The following XRRA1 variants were observed in gnomAD, a reference collection of about 807,000 sequenced individuals.
XRRA1 encodes the protein X-ray radiation resistance associated 1, also known as X-ray radiation resistance-associated protein 1.
A neutral mutation model predicts 80.2 loss-of-function variants in XRRA1; 69 were observed. The observed-to-expected ratio is 0.86, with a 90% confidence interval of 0.71 to 1.05. XRRA1 has a LOEUF of 1.05. Among genes scored for constraint, XRRA1 ranks in the 50% least tolerant of loss-of-function variants. The pLI is 0.00. For synonymous variants in XRRA1, 348 were observed against 389.9 expected, an observed-to-expected ratio of 0.89 and a Z score of 1.27; for missense variants, 967 against 976.4, an observed-to-expected ratio of 0.99 and a Z score of 0.13.
chr11:74,847,427 TCTG>T (rs938479033), intron 15 of XRRA1, among the ~76,000 whole-genome samples: 41 of 152,202 alleles, frequency 2.7e-4, no homozygotes, highest in African/African-American at 9.9e-4. Flanking sequence ...ATGCCACCCT[TCTG>T]CTGCACTGAC....
chr11:74,882,982 C>T (rs2048052240), intron 10 of XRRA1, among the ~76,000 whole-genome samples: 1 of 151,942 alleles, frequency 6.6e-6, no homozygotes, highest in African/African-American at 2.4e-5. Flanking sequence ...GTGCCCTGCC[C>T]CCAGAGGTGG....
At chr11:74,897,321 C>T (rs2052559375) in intron 10 of XRRA1, among the ~76,000 whole-genome samples, 1 of 151,060 alleles carries the variant, frequency 6.6e-6, no homozygotes, top group Non-Finnish European at 1.5e-5. Flanking sequence ...CCAGAGAAGA[C>T]AAAAGAAAAA....
chr11:74,945,994 A>G (rs543792943), intron 1 of XRRA1, among the ~76,000 whole-genome samples: 1 of 151,638 alleles, frequency 6.6e-6, no homozygotes, highest in African/African-American at 2.4e-5. Context: ...ACAAGGTCTC[A>G]CTCTGTTACC....
intron 10 of XRRA1, among the ~76,000 whole-genome samples, chr11:74,873,680 G>A (rs184980209): frequency 6.6e-6 from 1 of 152,306 alleles, no homozygotes; most frequent in East Asian, 1.9e-4. Context: ...TCTCAGGAAG[G>A]CAGTGAAGCT....
chr11:74,858,502 T>A (rs1355917464), intron 12 of XRRA1, among the ~76,000 whole-genome samples: 1 of 152,178 alleles, frequency 6.6e-6, no homozygotes, highest in Non-Finnish European at 1.5e-5. Flanking sequence ...GTAAGCAGAG[T>A]ATCTTACAAG....
chr11:74,917,609 C>T (rs905662907), intron 8 of XRRA1, among the ~76,000 whole-genome samples: 1 of 152,156 alleles, frequency 6.6e-6, no homozygotes, highest in Non-Finnish European at 1.5e-5. Flanking sequence ...CCTAACTTAA[C>T]AGCATAGGAT....
intron 2 of XRRA1, among the ~76,000 whole-genome samples, chr11:74,944,484 A>G (rs918754710): frequency 1.3e-5 from 2 of 152,208 alleles, no homozygotes; most frequent in Non-Finnish European, 2.9e-5. Flanking sequence ...TTCCATAAAT[A>G]TTTGTGGAAT....
At chr11:74,898,995 C>T (rs570422565) in intron 10 of XRRA1, among the ~76,000 whole-genome samples, 1 of 152,178 alleles carries the variant, frequency 6.6e-6, no homozygotes, top group East Asian at 1.9e-4. Flanking sequence ...CAAGTATAGA[C>T]CATATGTTAG....
At chr11:74,882,685 T>G (rs1221147611) in intron 10 of XRRA1, among the ~76,000 whole-genome samples, 1 of 151,642 alleles carries the variant, frequency 6.6e-6, no homozygotes, top group African/African-American at 2.4e-5. Context: ...CAGATGGGTT[T>G]TTGGTGTGGA....
intron 8 of XRRA1, chr11:74,910,135 C>T (rs969501858): frequency 1.3e-5 from 2 of 152,232 alleles, no homozygotes; most frequent in African/African-American, 4.8e-5. Context: ...CAAGTACTTA[C>T]ATTACGACAA....
chr11:74,887,951 C>T (rs528375903), intron 10 of XRRA1, among the ~76,000 whole-genome samples: 32 of 152,312 alleles, frequency 2.1e-4, no homozygotes, highest in African/African-American at 7.7e-4. Flanking sequence ...GAGCCCGCCG[C>T]AACTCAAGGA....
Position 74,940,840 on chromosome 11 carries a change from C to T in XRRA1, c.39G>A (p.Lys13=). 1.2e-6 allele frequency: 2 copies of T among 1,609,662 alleles called. No homozygotes were observed. The highest frequency in any genetic ancestry group is 1.3e-5 in the African/African-American group (1 of 74,956). The change falls in exon 3 of 19, where the codon AAG becomes AAA. Residue 13 remains lysine (K), a synonymous_variant. Transcript: ENST00000684022. ...CTGGGAAGCAGTTGTTCAGGTAAGGCTTCCCATCATCCAGCTTGTAGATTC... is the reference window on the plus strand; with the variant it reads ...CTGGGAAGCAGTTGTTCAGGTAAGGTTTCCCATCATCCAGCTTGTAGATTC... ...FSGIYKLDDG[K]PYLNNCFPAR...
rs762454001 is a variant in XRRA1, at chr11:74,848,420, G to T, written c.1423C>A (p.Leu475Ile). ...IPKVPKQPLV[L>I]HHPRMTTTKS... ...GTTGTCGTCATGCGCGGGTGATGGA[G>T]CACCAGAGGCTGCTTCGGCACCTTT... The change falls in exon 15 of 19, where the codon CTC becomes ATC. Residue 475 changes from leucine (L) to isoleucine (I), a missense_variant. Physicochemically the swap from Leu to Ile is conservative, Grantham distance 5 (BLOSUM62 2). Coordinates refer to ENST00000684022, the MANE Select transcript of XRRA1 (RefSeq NM_001378157.1). 1 of 1,612,950 alleles carries T rather than the reference G, an allele frequency of 6.2e-7. No individual in the cohort carries two copies. Among genetic ancestry groups the T allele is most frequent in the South Asian group, 1.1e-5 (1 of 91,062 alleles).
chr11:74,934,915 C>A (rs141755873), intron 4 of XRRA1, among the ~76,000 whole-genome samples: 1 of 152,242 alleles, frequency 6.6e-6, no homozygotes, highest in East Asian at 1.9e-4. Context: ...AGGGGAAAGA[C>A]GAATGTACCA....
intron 7 of XRRA1, among the ~76,000 whole-genome samples, chr11:74,925,440 T>C (rs1941979883): frequency 6.6e-6 from 1 of 152,228 alleles, no homozygotes. Context: ...CATCAAGTTT[T>C]ATTACACATC....
intron 10 of XRRA1, among the ~76,000 whole-genome samples, chr11:74,867,985 G>A (rs1046068702): frequency 4.1e-5 from 6 of 146,890 alleles, no homozygotes; most frequent in African/African-American, 1.5e-4. Context: ...ACAATGGTGC[G>A]ATCTTGGTTC....
At chr11:74,853,690 G>A (rs1465276079) in intron 12 of XRRA1, among the ~76,000 whole-genome samples, 1 of 152,216 alleles carries the variant, frequency 6.6e-6, no homozygotes, top group Non-Finnish European at 1.5e-5. Flanking sequence ...ATTGTGTTAA[G>A]TGATTAAGAT....
chr11:74,878,700 G>A (rs1185935635), intron 10 of XRRA1, among the ~76,000 whole-genome samples: 2 of 148,322 alleles, frequency 1.3e-5, no homozygotes, highest in African/African-American at 5.0e-5. Flanking sequence ...AGTTTTCCCA[G>A]CACCATTTAT....
chr11:74,884,549 C>G (rs958696611), intron 10 of XRRA1, among the ~76,000 whole-genome samples: 1 of 152,216 alleles, frequency 6.6e-6, no homozygotes, highest in Admixed American at 6.5e-5. Flanking sequence ...TCACCAGGCA[C>G]CTATAAAAAC....
Sources: gnomAD v4.1 joint callset for allele counts (sites outside exome capture counted in the v4.1 genomes callset) on GRCh38, gnomAD v4.1.1 for gene constraint, MANE v1.5 for transcripts, NCBI Gene and HGNC (gene_info 2026-07-23, HGNC 2026-07-21) for gene names.